UBE3C: variants seen among roughly 807,000 people sequenced by gnomAD.
UBE3C encodes the protein ubiquitin-protein ligase E3C.
In UBE3C, 42 loss-of-function variants were observed where a neutral mutation model predicts 129.4. The observed-to-expected ratio is 0.32, with a 90% CI of 0.25 to 0.42. The LOEUF (loss-of-function observed/expected upper bound fraction) is 0.42, where lower values mean the gene tolerates loss of function less well. UBE3C is among the 10% of genes least tolerant of loss of function. The pLI, the probability that UBE3C is intolerant of heterozygous loss-of-function variation, is 1.00. For synonymous variants in UBE3C, 510 were observed against 492.4 expected, an observed-to-expected ratio of 1.04 and a Z score of -0.47; for missense variants, 1,049 against 1,319.1, an observed-to-expected ratio of 0.80 and a Z score of 3.17.
intron 18 of UBE3C, among the ~76,000 whole-genome samples, chr7:157,247,986 G>A (rs929450491): frequency 2.0e-5 from 3 of 152,176 alleles, no homozygotes; most frequent in South Asian, 2.1e-4. Flanking sequence ...TTTCAGTCTC[G>A]CAGTGTGTGA....
chr7:157,204,118 G>C (rs1200715216), intron 11 of UBE3C, among the ~76,000 whole-genome samples: 1 of 152,152 alleles, frequency 6.6e-6, no homozygotes, highest in Non-Finnish European at 1.5e-5. Flanking sequence ...TGACCATCTT[G>C]AAGTTGCAAA....
chr7:157,168,662 T>C (rs1808283673), intron 2 of UBE3C, among the ~76,000 whole-genome samples: 1 of 152,218 alleles, frequency 6.6e-6, no homozygotes, highest in Non-Finnish European at 1.5e-5. Flanking sequence ...AGGTGGATCT[T>C]GAAAACATCA....
At chr7:157,192,881 G>T in intron 10 of UBE3C, 1 of 838,174 alleles carries the variant, frequency 1.2e-6, no homozygotes, top group Non-Finnish European at 2.0e-6. Context: ...AAAAAAAGAA[G>T]GGATTATCAA....
In UBE3C at chr7:157,181,649, A is replaced by G; in HGVS notation, c.748A>G (p.Asn250Asp). The G allele has an allele frequency of 6.2e-7, 1 of 1,613,692 alleles. No homozygotes were observed. ...NVLKPLHFTYNSCPEGARQQV... is the reference protein window; with the variant it reads ...NVLKPLHFTYDSCPEGARQQV... ...TCTAAAACCATTGCACTTTACTTAC[A>G]ACTCCTGTCCGGAAGGTGCGAGGTG... The change falls in exon 7 of 23, where the codon AAC becomes GAC. Residue 250 changes from asparagine to aspartate, a missense_variant. This residue lies in a region of UBE3C where 489 missense variants were observed against 513.8 expected (regional missense o/e 0.95). Transcript: ENST00000348165.
At chr7:157,261,321 A>G (rs1274231479) in intron 22 of UBE3C, among the ~76,000 whole-genome samples, 12 of 107,800 alleles carry the variant, frequency 1.1e-4, no homozygotes, top group East Asian at 3.9e-4. Flanking sequence ...AAAAAAAAAA[A>G]AAAAAAAAAA....
At chr7:157,202,064 T>A (rs1046641979) in intron 11 of UBE3C, among the ~76,000 whole-genome samples, 2 of 152,326 alleles carry the variant, frequency 1.3e-5, no homozygotes, top group Middle Eastern at 3.4e-3. Context: ...GCCATGTTTT[T>A]AAAAAAGCAG....
intron 1 of UBE3C, among the ~76,000 whole-genome samples, chr7:157,151,819 G>A (rs1037701891): frequency 6.6e-6 from 1 of 152,180 alleles, no homozygotes; most frequent in Non-Finnish European, 1.5e-5. Context: ...CATGACAACC[G>A]TGGAGCAGGA....
At chr7:157,186,105 AT>A (rs1808797631) in intron 9 of UBE3C, among the ~76,000 whole-genome samples, 1 of 152,102 alleles carries the variant, frequency 6.6e-6, no homozygotes, top group Non-Finnish European at 1.5e-5. Context: ...TATAAAATAG[AT>A]TTGTGTAGCC....
At chr7:157,248,643 G>A (rs1216631629) in intron 19 of UBE3C, 63 bp downstream of exon 19, 2 of 1,545,112 alleles carry the variant, frequency 1.3e-6, no homozygotes, top group Admixed American at 1.7e-5. Context: ...CCTTGTGTGT[G>A]GAAGTCCATT....
At chr7:157,224,644 C>G (rs1317869442) in intron 16 of UBE3C, among the ~76,000 whole-genome samples, 1 of 152,088 alleles carries the variant, frequency 6.6e-6, no homozygotes, top group Non-Finnish European at 1.5e-5. Flanking sequence ...CTAAAGATTA[C>G]TTGGTTCCGT....
chr7:157,188,370 A>C (rs1808866565), intron 10 of UBE3C, among the ~76,000 whole-genome samples: 1 of 152,252 alleles, frequency 6.6e-6, no homozygotes, highest in Non-Finnish European at 1.5e-5. Context: ...CCAACTAATG[A>C]GGTGCTGTCT....
chr7:157,226,041 A>C (rs1170156319), intron 17 of UBE3C, among the ~76,000 whole-genome samples: 1 of 152,180 alleles, frequency 6.6e-6, no homozygotes, highest in Admixed American at 6.5e-5. Context: ...CCTTTAAAAA[A>C]TATTAATTAT....
intron 22 of UBE3C, among the ~76,000 whole-genome samples, chr7:157,265,402 C>T (rs1198515576): frequency 6.6e-6 from 1 of 152,244 alleles, no homozygotes; most frequent in African/African-American, 2.4e-5. Context: ...AAGGTGGAGT[C>T]ACCGGTTCTT....
At chr7:157,267,205 C>CA (rs34722975) in intron 22 of UBE3C, among the ~76,000 whole-genome samples, 8,456 of 152,148 alleles carry the variant, frequency 0.056, 593 homozygotes, top group African/African-American at 0.16. Flanking sequence ...GGGCAGATCA[C>CA]AAAGTCAGGA....
intron 10 of UBE3C, among the ~76,000 whole-genome samples, chr7:157,188,004 T>C (rs1808858833): frequency 6.6e-6 from 1 of 152,222 alleles, no homozygotes; most frequent in Non-Finnish European, 1.5e-5. Flanking sequence ...ATATGGCCTG[T>C]TTGTGCTTAA....
At chr7:157,177,284 A>G (rs1385771269) in intron 5 of UBE3C, among the ~76,000 whole-genome samples, 1 of 152,130 alleles carries the variant, frequency 6.6e-6, no homozygotes, top group Non-Finnish European at 1.5e-5. Flanking sequence ...CATACTGGTC[A>G]CTCAGATGGC....
chr7:157,157,973 G>A (rs199962159), intron 1 of UBE3C, among the ~76,000 whole-genome samples: 12 of 142,184 alleles, frequency 8.4e-5, no homozygotes, highest in Non-Finnish European at 1.3e-4. Context: ...GATATATATA[G>A]ATATATATAT....
At chr7:157,237,833 C>T (rs773488763) in intron 18 of UBE3C, among the ~76,000 whole-genome samples, 1 of 151,892 alleles carries the variant, frequency 6.6e-6, no homozygotes, top group Non-Finnish European at 1.5e-5. Flanking sequence ...AACACTTAAG[C>T]CCAGGAGTTC....
intron 1 of UBE3C, among the ~76,000 whole-genome samples, chr7:157,140,406 T>C (rs1261097263): frequency 6.6e-6 from 1 of 152,168 alleles, no homozygotes. Context: ...CTGATAATTT[T>C]TCAGCTTTGA....
Sources: allele counts gnomAD v4.1 joint callset (sites outside exome capture counted in the v4.1 genomes callset), GRCh38; gene constraint gnomAD v4.1.1; regional missense constraint gnomAD v4.1.1; transcripts MANE v1.5; gene names NCBI Gene and HGNC (gene_info 2026-07-23, HGNC 2026-07-21).